Variants in MAGI2 observed in about 807,000 individuals in gnomAD.
MAGI2 encodes the protein membrane-associated guanylate kinase, WW and PDZ domain-containing protein 2.
Under a neutral mutation model 133.3 loss-of-function variants are expected in MAGI2, and 35 were observed. That is an observed-to-expected ratio of 0.26 (90% CI 0.20 to 0.35). The LOEUF is 0.35. Ranked by LOEUF, MAGI2 falls within the 10% of genes least tolerant of loss-of-function variation. MAGI2 has a pLI of 1.00. For missense variants in MAGI2, 1,636 were observed against 1,863.4 expected, an observed-to-expected ratio of 0.88 and a Z score of 2.25; for synonymous variants, 729 against 710.6, an observed-to-expected ratio of 1.03 and a Z score of -0.41.
intron 21 of MAGI2, among the ~76,000 whole-genome samples, chr7:78,057,714 G>A (rs780786169): frequency 1.3e-5 from 2 of 152,012 alleles, no homozygotes; most frequent in Admixed American, 6.6e-5. Flanking sequence ...AGCTTTGGAT[G>A]TAGAGAGATT....
At chr7:79,303,063 T>C (rs1401897377) in intron 1 of MAGI2, among the ~76,000 whole-genome samples, 3 of 152,206 alleles carry the variant, frequency 2.0e-5, no homozygotes, top group African/African-American at 4.8e-5. Context: ...CAAAGTTTGA[T>C]AGAGTCTCAC....
At chr7:79,101,547 AC>A (rs1390711008) in intron 1 of MAGI2, among the ~76,000 whole-genome samples, 1 of 151,884 alleles carries the variant, frequency 6.6e-6, no homozygotes, top group Non-Finnish European at 1.5e-5. Context: ...ACACGGTGAA[AC>A]CCCGTCTCCA....
At chr7:78,183,268 A>T (rs916077104) in intron 13 of MAGI2, among the ~76,000 whole-genome samples, 4 of 137,434 alleles carry the variant, frequency 2.9e-5, no homozygotes, top group African/African-American at 5.3e-5. Flanking sequence ...GTATTTTTGT[A>T]TTTTTTTTTT....
rs116014139 is a variant in MAGI2, at chr7:78,793,256, A to G, written c.419-166017T>C. Among the ~76,000 whole-genome samples the G allele has an allele frequency of 4.6e-3, 701 of 152,254 alleles. 7 individuals are homozygous for G. Among genetic ancestry groups the G allele is most frequent in the African/African-American group, 0.016 (667 of 41,532 alleles). ...GATATGCACTGTGAAGGAAAACAAA[A>G]CCTCACTGATTTAAAGCAATGGCCC... On this transcript the variant is annotated intron_variant, in intron 2 of 21. Coordinates refer to ENST00000354212, the MANE Select transcript of MAGI2 (RefSeq NM_012301.4).
At chr7:78,350,552 CCT>C (rs1562869758) in intron 7 of MAGI2, 1 of 152,110 alleles carries the variant, frequency 6.6e-6, no homozygotes, top group African/African-American at 2.4e-5. Flanking sequence ...TATGCAGAAG[CCT>C]CTTTTTCTAT....
chr7:79,268,026 C>T (rs1352758095), intron 1 of MAGI2, among the ~76,000 whole-genome samples: 1 of 152,144 alleles, frequency 6.6e-6, no homozygotes, highest in African/African-American at 2.4e-5. Context: ...TTAATCGCCC[C>T]TGGTCAATGA....
chr7:78,945,776 C>CTG (rs1801368229), intron 2 of MAGI2, among the ~76,000 whole-genome samples: 1 of 152,180 alleles, frequency 6.6e-6, no homozygotes, highest in Non-Finnish European at 1.5e-5. Context: ...TTTGCACATA[C>CTG]TGTGTGCGTC....
In MAGI2 at chr7:78,912,315, A is replaced by G. The variant is rs184889292; in HGVS notation, c.418+94775T>C. ...AAAGTATAGTGTGACTTCAAGGAGA[A>G]AGCAATGAACTCAGCTGAGTTGGTG... is the stretch of plus-strand genomic sequence containing the variant. On this transcript the variant is annotated intron_variant, in intron 2 of 21. Transcript: ENST00000354212. 1.1e-3 allele frequency among the ~76,000 whole-genome samples: 170 copies of G among 152,298 alleles called. 2 individuals are homozygous for G. The highest frequency in any genetic ancestry group is 1.9e-3 in the Non-Finnish European group (131 of 68,028).
At chr7:78,440,522 G>A (rs1787511729) in intron 6 of MAGI2, among the ~76,000 whole-genome samples, 1 of 152,084 alleles carries the variant, frequency 6.6e-6, no homozygotes, top group African/African-American at 2.4e-5. Context: ...TATGGAATAA[G>A]GACAAAGAAA....
At chr7:78,196,713 T>C (rs1828774200) in intron 11 of MAGI2, among the ~76,000 whole-genome samples, 1 of 152,304 alleles carries the variant, frequency 6.6e-6, no homozygotes, top group East Asian at 1.9e-4. Context: ...CAGGGGTTCA[T>C]GTTGAGCCAG....
chr7:78,404,065 A>G (rs1797149180), intron 6 of MAGI2, among the ~76,000 whole-genome samples: 1 of 152,156 alleles, frequency 6.6e-6, no homozygotes, highest in Non-Finnish European at 1.5e-5. Context: ...CCCATTCACA[A>G]TTGCTTCAAA....
At chr7:78,346,163 CT>C in intron 7 of MAGI2, 120 bp from the exon 8 acceptor site, 1 of 1,132,272 alleles carries the variant, frequency 8.8e-7, no homozygotes, top group Non-Finnish European at 1.3e-6. Context: ...AGTCAAGTGC[CT>C]CACCCAGCAC....
At chr7:78,791,772 A>T (rs889253011) in intron 2 of MAGI2, among the ~76,000 whole-genome samples, 2 of 151,814 alleles carry the variant, frequency 1.3e-5, no homozygotes, top group Non-Finnish European at 2.9e-5. Context: ...CTGGTCTCGA[A>T]CTCCTGACCT....
intron 2 of MAGI2, among the ~76,000 whole-genome samples, chr7:78,957,901 C>T (rs1343274615): frequency 1.3e-5 from 2 of 152,130 alleles, no homozygotes; most frequent in East Asian, 3.9e-4. Flanking sequence ...AGAGGTTCCA[C>T]AATTACCAAA....
At chr7:79,408,906 T>A (rs1845977214) in intron 1 of MAGI2, among the ~76,000 whole-genome samples, 1 of 152,128 alleles carries the variant, frequency 6.6e-6, no homozygotes, top group Admixed American at 6.6e-5. Context: ...TTGAACATTA[T>A]CCAGATAAAA....
intron 10 of MAGI2, among the ~76,000 whole-genome samples, chr7:78,209,015 G>T (rs62463870): frequency 0.17 from 26,051 of 150,170 alleles, 2,583 homozygotes; most frequent in Middle Eastern, 0.27. Context: ...GAGGTCAGGA[G>T]ATCGAGACCA....
chr7:78,469,615 T>C (rs1335802372), intron 6 of MAGI2, among the ~76,000 whole-genome samples: 1 of 152,204 alleles, frequency 6.6e-6, no homozygotes, highest in African/African-American at 2.4e-5. Context: ...ATGAAATAGT[T>C]AATTTTGTTT....
intron 1 of MAGI2, among the ~76,000 whole-genome samples, chr7:79,023,387 G>T (rs572141228): frequency 5.3e-5 from 8 of 152,180 alleles, no homozygotes; most frequent in African/African-American, 1.9e-4. Flanking sequence ...CATAATGAAT[G>T]GGCAAAAGCT....
At chr7:78,898,235 C>T (rs1157493275) in intron 2 of MAGI2, among the ~76,000 whole-genome samples, 1 of 152,082 alleles carries the variant, frequency 6.6e-6, no homozygotes, top group East Asian at 1.9e-4. Flanking sequence ...ACACTGTTTG[C>T]AGGAGTATAA....
Sources: gnomAD v4.1 joint callset for allele counts (sites outside exome capture counted in the v4.1 genomes callset) on GRCh38, gnomAD v4.1.1 for gene constraint, MANE v1.5 for transcripts, NCBI Gene and HGNC (gene_info 2026-07-23, HGNC 2026-07-21) for gene names.